Variants in GBE1 observed in about 807,000 individuals in gnomAD.
The protein encoded by GBE1 is 1,4-alpha-glucan branching enzyme 1, also known as 1,4-alpha-glucan-branching enzyme.
GBE1 carries 70 observed loss-of-function variants against 88.8 expected under a neutral mutation model. The observed-to-expected ratio is 0.79, with a 90% CI of 0.65 to 0.96. The LOEUF (loss-of-function observed/expected upper bound fraction) is 0.96. Ranked by LOEUF, GBE1 falls within the 40% of genes least tolerant of loss-of-function variation. The pLI, the probability that GBE1 is intolerant of heterozygous loss-of-function variation, is 0.00. For missense variants in GBE1, 872 were observed against 871.0 expected (o/e 1.00, Z -0.01); for synonymous variants, 284 against 300.1 (o/e 0.95, Z 0.56).
intron 2 of GBE1, among the ~76,000 whole-genome samples, chr3:81,689,613 A>G (rs1316867110): frequency 6.6e-6 from 1 of 152,230 alleles, no homozygotes; most frequent in African/African-American, 2.4e-5. Context: ...AATAGCCCGC[A>G]AGGCCCTGCG....
At chr3:81,681,184 T>C (rs1172906431) in intron 2 of GBE1, among the ~76,000 whole-genome samples, 3 of 152,214 alleles carry the variant, frequency 2.0e-5, no homozygotes, top group Non-Finnish European at 2.9e-5. Flanking sequence ...GTGAATGCCA[T>C]ATGGTCTATA....
intron 12 of GBE1, among the ~76,000 whole-genome samples, chr3:81,563,074 A>T (rs1036820803): frequency 1.3e-5 from 2 of 152,078 alleles, no homozygotes; most frequent in African/African-American, 4.8e-5. Context: ...CATATAGCTC[A>T]CCAGTTTGAC....
At chr3:81,505,282 G>T (rs960350817) in intron 14 of GBE1, among the ~76,000 whole-genome samples, 1 of 152,106 alleles carries the variant, frequency 6.6e-6, no homozygotes, top group African/African-American at 2.4e-5. Flanking sequence ...TTATACCGAA[G>T]GCAGAAAATA....
At chr3:81,709,770 A>G (rs1164863131) in intron 1 of GBE1, among the ~76,000 whole-genome samples, 1 of 152,196 alleles carries the variant, frequency 6.6e-6, no homozygotes, top group Non-Finnish European at 1.5e-5. Flanking sequence ...AGCTTCTGAT[A>G]CAGAAATACA....
chr3:81,610,664 C>T (rs983783460), intron 7 of GBE1, among the ~76,000 whole-genome samples: 2 of 152,218 alleles, frequency 1.3e-5, no homozygotes, highest in African/African-American at 2.4e-5. Context: ...CTCTCTGAAG[C>T]GCCAAGGCTT....
intron 1 of GBE1, among the ~76,000 whole-genome samples, chr3:81,725,121 C>T (rs1162036410): frequency 6.6e-6 from 1 of 152,186 alleles, no homozygotes; most frequent in African/African-American, 2.4e-5. Flanking sequence ...AGGCTTTATA[C>T]ACACTGTCAC....
chr3:81,565,140 C>T (rs1317353600), intron 12 of GBE1, among the ~76,000 whole-genome samples: 1 of 152,144 alleles, frequency 6.6e-6, no homozygotes, highest in Non-Finnish European at 1.5e-5. Flanking sequence ...GGAATATACG[C>T]TATTTGTATC....
chr3:81,679,239 G>C (rs1396804123), intron 2 of GBE1, among the ~76,000 whole-genome samples: 1 of 152,172 alleles, frequency 6.6e-6, no homozygotes, highest in African/African-American at 2.4e-5. Context: ...ATTATAAAAA[G>C]TGATATTATA....
intron 1 of GBE1, among the ~76,000 whole-genome samples, chr3:81,723,064 GA>G (rs1205487061): frequency 3.3e-5 from 5 of 151,204 alleles, no homozygotes; most frequent in East Asian, 1.9e-4. Flanking sequence ...AAATAAAAAT[GA>G]AAAAAACGTG....
intron 14 of GBE1, among the ~76,000 whole-genome samples, chr3:81,526,945 T>C (rs9844636): frequency 0.64 from 97,539 of 151,832 alleles, 32,799 homozygotes; most frequent in East Asian, 0.92. Flanking sequence ...AAGCTGGAGG[T>C]ATCACGCTAC....
At chr3:81,712,486 G>A (rs9877994) in intron 1 of GBE1, among the ~76,000 whole-genome samples, 86,872 of 151,806 alleles carry the variant, frequency 0.57, 25,834 homozygotes, top group African/African-American at 0.75. Flanking sequence ...GGATGAGTTC[G>A]TGTCCCTTGT....
rs377602039 is a variant in GBE1, at chr3:81,664,871, T to C, written c.429+5967A>G. 9.2e-5 allele frequency among the ~76,000 whole-genome samples: 14 copies of C among 152,308 alleles called. No homozygotes were observed. The East Asian group carries it at 2.5e-3, about 27-fold the overall frequency. On this transcript the variant is annotated intron_variant, in intron 3 of 15. Coordinates refer to ENST00000429644, the MANE Select transcript of GBE1 (RefSeq NM_000158.4). ...CACAAACTAACTATATTTAGCATAA[T>C]GACAGAGTAAACCTTGTTTAATATA...
chr3:81,612,869 T>C (rs765134060), intron 7 of GBE1: 4 of 404,024 alleles, frequency 9.9e-6, no homozygotes, highest in Admixed American at 8.9e-5. Flanking sequence ...TCAAAGACAA[T>C]ATTTGGCCAA....
rs779028093 is a variant in GBE1, at chr3:81,536,961, T to C, written c.1753A>G (p.Arg585Gly). 4 of 1,592,114 alleles carry C rather than the reference T, an allele frequency of 2.5e-6. No homozygotes were observed. In the South Asian group the frequency reaches 4.6e-5, roughly 18 times the overall value. Residue 585 changes from arginine (R) to glycine (G), a missense_variant, in exon 13 of 16, where the codon AGG becomes GGG. Physicochemically the swap from Arg to Gly is moderately radical, Grantham distance 125. Transcript: ENST00000429644. ...LRYKFLNNFDRDMNRLEERYG... is the reference protein window; with the variant it reads ...LRYKFLNNFDGDMNRLEERYG... ...CTTTCTTCCAATCTATTCATATCCCTGTCAAAATTATTTAGGAACTTGTAG... is the reference window on the plus strand; with the variant it reads ...CTTTCTTCCAATCTATTCATATCCCCGTCAAAATTATTTAGGAACTTGTAG...
intron 7 of GBE1, among the ~76,000 whole-genome samples, chr3:81,594,265 T>A (rs1300229407): frequency 1.3e-5 from 2 of 151,978 alleles, no homozygotes; most frequent in African/African-American, 2.4e-5. Context: ...CTAAGAAAAT[T>A]TAGGGAAAAC....
intron 14 of GBE1, among the ~76,000 whole-genome samples, chr3:81,512,487 A>T (rs1277646383): frequency 6.6e-6 from 1 of 151,932 alleles, no homozygotes. Context: ...GCAGAAAAAC[A>T]TTTAGTCAAA....
At position 81,742,425 on chromosome 3, in the gene GBE1, T is replaced by C. The variant is rs1706362055; in HGVS notation, c.143+18950A>G. Among the ~76,000 whole-genome samples, 4 of 152,120 alleles carry C rather than the reference T, an allele frequency of 2.6e-5. No homozygotes were observed. The South Asian group carries it at 8.3e-4, about 31-fold the overall frequency. On this transcript the variant is annotated intron_variant, in intron 1 of 15. Coordinates refer to ENST00000429644, the MANE Select transcript of GBE1 (RefSeq NM_000158.4). The stretch of plus-strand genomic sequence containing the variant: ...AAGGATGGTTTATGACATAAATAAC[T>C]GAAACAGATTTGAAATAAATATGAA...
At chr3:81,616,894 C>G (rs1028667551) in intron 7 of GBE1, among the ~76,000 whole-genome samples, 3 of 151,730 alleles carry the variant, frequency 2.0e-5, no homozygotes, top group Non-Finnish European at 2.9e-5. Context: ...TTATACATTC[C>G]TGTATATATT....
intron 8 of GBE1, 70 bp downstream of exon 8, chr3:81,593,838 C>A: frequency 2.7e-6 from 2 of 732,968 alleles, no homozygotes; most frequent in Non-Finnish European, 2.3e-6. Context: ...CTAATAAAAA[C>A]CAAGACACCA....
Sources: allele counts gnomAD v4.1 joint callset (sites outside exome capture counted in the v4.1 genomes callset), GRCh38; gene constraint gnomAD v4.1.1; transcripts MANE v1.5; gene names NCBI Gene and HGNC (gene_info 2026-07-23, HGNC 2026-07-21).